RAP1GDS1: variants seen among roughly 807,000 people sequenced by gnomAD.
RAP1GDS1 encodes the protein Rap1 GTPase-GDP dissociation stimulator 1, also known as RAP1, GTP-GDP dissociation stimulator 1.
Under a neutral mutation model 71.1 loss-of-function variants are expected in RAP1GDS1, and 35 were observed. That is an observed-to-expected ratio of 0.49 (90% confidence interval 0.38 to 0.65). The LOEUF (loss-of-function observed/expected upper bound fraction) is 0.65. Ranked by LOEUF, RAP1GDS1 falls within the 30% of genes least tolerant of loss-of-function variation. The pLI is 0.00. For missense variants in RAP1GDS1, 663 were observed against 706.1 expected (o/e 0.94, Z 0.69); for synonymous variants, 229 against 243.1 (o/e 0.94, Z 0.54).
At chr4:98,363,985 C>A (rs965311130) in intron 4 of RAP1GDS1, among the ~76,000 whole-genome samples, 1 of 151,924 alleles carries the variant, frequency 6.6e-6, no homozygotes, top group Non-Finnish European at 1.5e-5. Context: ...GGCAATTTGC[C>A]GATGTAGGAA....
intron 14 of RAP1GDS1, among the ~76,000 whole-genome samples, chr4:98,441,103 G>GT (rs774037519): frequency 6.6e-6 from 1 of 152,154 alleles, no homozygotes; most frequent in South Asian, 2.1e-4. Context: ...TTTCAAGATT[G>GT]TTTTGGAGAT....
chr4:98,410,602 C>T (rs926921318), intron 7 of RAP1GDS1, among the ~76,000 whole-genome samples: 1 of 151,870 alleles, frequency 6.6e-6, no homozygotes, highest in Non-Finnish European at 1.5e-5. Context: ...TGGAAACAAC[C>T]AAAATCCATT....
At position 98,293,397 on chromosome 4, in the gene RAP1GDS1, T is replaced by A; in HGVS notation, c.5-11T>A. ...AGGTTGAGTTTCTGATTTTTTTTTT[T>A]CTTTAAGCAGATAATCTCAGTGATA... On this transcript the variant is annotated splice_polypyrimidine_tract_variant and intron_variant, in intron 1 of 14. Coordinates refer to ENST00000408927, the MANE Select transcript of RAP1GDS1 (RefSeq NM_001100427.2). The A allele has an allele frequency of 6.4e-7, 1 of 1,559,860 alleles. No individual in the cohort carries two copies. The highest frequency in any genetic ancestry group is 1.2e-5 in the South Asian group (1 of 83,378).
chr4:98,375,272 G>A (rs183511231), intron 4 of RAP1GDS1, among the ~76,000 whole-genome samples: 160 of 152,128 alleles, frequency 1.1e-3, no homozygotes, highest in Middle Eastern at 3.4e-3. Flanking sequence ...TCTCCTCTGT[G>A]CATCCCCCTC....
intron 1 of RAP1GDS1, among the ~76,000 whole-genome samples, chr4:98,267,448 G>A (rs78801135): frequency 1.1e-3 from 162 of 152,264 alleles, no homozygotes; most frequent in African/African-American, 3.6e-3. Flanking sequence ...CACCCAGGTA[G>A]TGTGCATGGT....
chr4:98,372,799 C>T (rs1471974513), intron 4 of RAP1GDS1, among the ~76,000 whole-genome samples: 5 of 152,184 alleles, frequency 3.3e-5, no homozygotes, highest in African/African-American at 7.2e-5. Context: ...ATTCTCTTAC[C>T]GCAGCCTCCT....
chr4:98,298,208 A>G (rs1348573931), intron 2 of RAP1GDS1, among the ~76,000 whole-genome samples: 1 of 152,234 alleles, frequency 6.6e-6, no homozygotes, highest in African/African-American at 2.4e-5. Context: ...CAACACTGAA[A>G]GTGAAAGATG....
rs60218968 is a variant in RAP1GDS1, at chr4:98,336,114, A to G, written c.113-7025A>G. Among the ~76,000 whole-genome samples, 754 of 152,202 alleles carry G rather than the reference A, an allele frequency of 5.0e-3. 7 individuals carry two copies. Among genetic ancestry groups the G allele is most frequent in the South Asian group, 0.018 (86 of 4,830 alleles). On this transcript the variant is annotated intron_variant, in intron 2 of 14. Transcript: ENST00000408927. Reference sequence around the variant, plus strand: ...GATCTTTTGCTGAAAATATTTTTTCACTATGTTTTATTGTGTCCTCATTCT... The same window carrying G: ...GATCTTTTGCTGAAAATATTTTTTCGCTATGTTTTATTGTGTCCTCATTCT...
chr4:98,414,470 G>A (rs1747604108), intron 7 of RAP1GDS1, among the ~76,000 whole-genome samples: 1 of 148,210 alleles, frequency 6.7e-6, no homozygotes, highest in Non-Finnish European at 1.5e-5. Flanking sequence ...TATTAAGTAG[G>A]GAATCCTTTC....
Position 98,418,731 on chromosome 4 carries a change from G to C in RAP1GDS1, c.1114G>C (p.Asp372His), listed in dbSNP as rs751174564. 5.6e-6 allele frequency: 9 copies of C among 1,612,728 alleles called. No homozygotes were observed. The highest frequency in any genetic ancestry group is 7.6e-6 in the Non-Finnish European group (9 of 1,179,436). ...LMDLLDRHVE[D>H]GNVTVQHAAL... ...GGATTTACTGGACAGACATGTAGAA[G>C]ATGGAAATGTAACAGTACAGCATGC... The change falls in exon 10 of 15, where the codon GAT (aspartate) becomes CAT (histidine). Residue 372 changes from aspartate (D) to histidine (H), a missense_variant. Asp to His is a moderately conservative substitution (Grantham distance 81). Transcript: ENST00000408927.
chr4:98,307,204 A>G (rs2110309803), intron 2 of RAP1GDS1, among the ~76,000 whole-genome samples: 1 of 152,030 alleles, frequency 6.6e-6, no homozygotes, highest in Admixed American at 6.6e-5. Flanking sequence ...TCTATCATGG[A>G]ATAACCATTT....
chr4:98,419,147 C>T (rs1748445903), intron 10 of RAP1GDS1, among the ~76,000 whole-genome samples: 1 of 152,178 alleles, frequency 6.6e-6, no homozygotes, highest in Non-Finnish European at 1.5e-5. Context: ...CCTCTACCTT[C>T]TGAGCTCAAG....
intron 4 of RAP1GDS1, among the ~76,000 whole-genome samples, chr4:98,356,689 T>C (rs1262375411): frequency 1.3e-5 from 2 of 152,070 alleles, no homozygotes; most frequent in Non-Finnish European, 2.9e-5. Context: ...ATTATATAAC[T>C]GGTACTATTA....
chr4:98,384,636 A>C (rs1014254786), intron 5 of RAP1GDS1, among the ~76,000 whole-genome samples: 5 of 151,628 alleles, frequency 3.3e-5, no homozygotes, highest in African/African-American at 1.2e-4. Flanking sequence ...ACAGGCTGAG[A>C]GCTTGATTTT....
At chr4:98,302,675 A>C (rs1432790237) in intron 2 of RAP1GDS1, among the ~76,000 whole-genome samples, 1 of 152,210 alleles carries the variant, frequency 6.6e-6, no homozygotes, top group Non-Finnish European at 1.5e-5. Context: ...TAGTGTAGGA[A>C]AACTTTTAGA....
intron 4 of RAP1GDS1, among the ~76,000 whole-genome samples, chr4:98,355,506 T>C (rs1737824135): frequency 6.6e-6 from 1 of 152,232 alleles, no homozygotes; most frequent in African/African-American, 2.4e-5. Flanking sequence ...GACTTCACTA[T>C]TGGATCACTT....
At chr4:98,293,633 A>G (rs1371986531) in intron 2 of RAP1GDS1, 118 bp downstream of exon 2, 4 of 736,304 alleles carry the variant, frequency 5.4e-6, no homozygotes, top group South Asian at 5.3e-5. Context: ...ATTCTTTTGA[A>G]TCATATCCCT....
At chr4:98,325,838 G>C (rs1420958953) in intron 2 of RAP1GDS1, among the ~76,000 whole-genome samples, 1 of 150,408 alleles carries the variant, frequency 6.6e-6, no homozygotes, top group Non-Finnish European at 1.5e-5. Flanking sequence ...CGAGTTAGTG[G>C]GTGCAGCGCA....
chr4:98,391,489 T>TA (rs1381574814), intron 5 of RAP1GDS1, among the ~76,000 whole-genome samples: 5 of 152,148 alleles, frequency 3.3e-5, no homozygotes, highest in African/African-American at 1.2e-4. Flanking sequence ...AATTTTGTAT[T>TA]ATGAAAAGTG....
Sources: allele counts gnomAD v4.1 joint callset (sites outside exome capture counted in the v4.1 genomes callset), GRCh38; gene constraint gnomAD v4.1.1; transcripts MANE v1.5; gene names NCBI Gene and HGNC (gene_info 2026-07-23, HGNC 2026-07-21).